Variants in HCN1 observed in about 807,000 individuals in gnomAD.
The protein encoded by HCN1 is potassium/sodium hyperpolarization-activated cyclic nucleotide-gated channel 1.
Under a neutral mutation model 78.9 loss-of-function variants are expected in HCN1, and 13 were observed. The observed-to-expected ratio is 0.16, with a 90% CI of 0.11 to 0.26. The LOEUF is 0.26. Ranked by LOEUF, HCN1 falls within the 10% of genes least tolerant of loss-of-function variation. HCN1 has a pLI of 1.00. For missense variants in HCN1, 810 were observed against 1,154.3 expected (o/e 0.70, Z 4.32); for synonymous variants, 552 against 455.5 (o/e 1.21, Z -2.70).
intron 2 of HCN1, among the ~76,000 whole-genome samples, chr5:45,641,289 G>A (rs1745450397): frequency 6.6e-6 from 1 of 152,138 alleles, no homozygotes; most frequent in Non-Finnish European, 1.5e-5. Flanking sequence ...ACTGTAATCT[G>A]CATTAGCTCC....
intron 3 of HCN1, among the ~76,000 whole-genome samples, chr5:45,411,418 T>C (rs1740018274): frequency 6.6e-6 from 1 of 151,906 alleles, no homozygotes; most frequent in Non-Finnish European, 1.5e-5. Flanking sequence ...CAGGCGTAAT[T>C]CCTATTTCTG....
At chr5:45,424,473 G>A (rs1370763857) in intron 3 of HCN1, among the ~76,000 whole-genome samples, 1 of 152,000 alleles carries the variant, frequency 6.6e-6, no homozygotes, top group African/African-American at 2.4e-5. Flanking sequence ...TTTTGAGTCA[G>A]GTTACATATG....
intron 1 of HCN1, chr5:45,695,088 TC>T (rs1166850942): frequency 6.5e-6 from 1 of 153,112 alleles, no homozygotes; most frequent in Non-Finnish European, 1.5e-5. Flanking sequence ...AAATTGCCCT[TC>T]TTTTGCCTGC....
intron 6 of HCN1, among the ~76,000 whole-genome samples, chr5:45,271,139 T>A (rs1336647085): frequency 6.6e-6 from 1 of 152,114 alleles, no homozygotes; most frequent in Non-Finnish European, 1.5e-5. Context: ...ACCCAAAGGT[T>A]TTCTATGTTG....
At chr5:45,500,387 T>A (rs1186431765) in intron 2 of HCN1, among the ~76,000 whole-genome samples, 4 of 152,178 alleles carry the variant, frequency 2.6e-5, no homozygotes, top group African/African-American at 9.7e-5. Context: ...AAGTTGAAAT[T>A]ACAAAATATG....
chr5:45,356,057 A>G (rs931107101), intron 4 of HCN1, among the ~76,000 whole-genome samples: 2 of 152,016 alleles, frequency 1.3e-5, no homozygotes, highest in African/African-American at 4.8e-5. Context: ...ATAACCAACT[A>G]TTCTTTGAAA....
At chr5:45,622,205 T>TA (rs35243375) in intron 2 of HCN1, among the ~76,000 whole-genome samples, 614 of 143,098 alleles carry the variant, frequency 4.3e-3, no homozygotes, top group African/African-American at 0.013. Flanking sequence ...GACTTCGTCT[T>TA]AAAAAAAAAA....
At chr5:45,461,794 G>T (rs1470143089) in intron 3 of HCN1, 52 bp downstream of exon 3, 3 of 1,461,816 alleles carry the variant, frequency 2.1e-6, no homozygotes, top group Non-Finnish European at 2.9e-6. Flanking sequence ...TACTTAAAAG[G>T]TTTTGGCACA....
At chr5:45,288,281 A>C (rs1295835251) in intron 6 of HCN1, among the ~76,000 whole-genome samples, 29 of 152,084 alleles carry the variant, frequency 1.9e-4, no homozygotes, top group Non-Finnish European at 5.9e-5. Flanking sequence ...TAAATTGCTA[A>C]GTGCTTGGCC....
At chr5:45,444,911 G>T (rs950366134) in intron 3 of HCN1, among the ~76,000 whole-genome samples, 1 of 152,100 alleles carries the variant, frequency 6.6e-6, no homozygotes, top group Non-Finnish European at 1.5e-5. Context: ...GAGCCAAGAT[G>T]GCCGAATAGG....
In HCN1 at chr5:45,419,657, C is replaced by T. The variant is rs150256521; in HGVS notation, c.1012-22947G>A. ...AGTTGGATTAGGCTAATGGAGAACC[C>T]TGAAAGAAGATCAGACAGAAGAAGG... is the stretch of plus-strand genomic sequence containing the variant. On this transcript the variant is annotated intron_variant, in intron 3 of 7. Coordinates refer to ENST00000303230, the MANE Select transcript of HCN1 (RefSeq NM_021072.4). Among the ~76,000 whole-genome samples the T allele has an allele frequency of 1.7e-3, 261 of 152,212 alleles. 1 individual carries two copies. Among genetic ancestry groups the T allele is most frequent in the African/African-American group, 6.1e-3 (252 of 41,534 alleles).
At chr5:45,398,739 T>C (rs904150672) in intron 3 of HCN1, among the ~76,000 whole-genome samples, 2 of 152,334 alleles carry the variant, frequency 1.3e-5, no homozygotes, top group East Asian at 3.9e-4. Context: ...GAAAGTTTAA[T>C]TTAAAAATTA....
intron 2 of HCN1, among the ~76,000 whole-genome samples, chr5:45,466,315 A>G (rs2111638196): frequency 6.6e-6 from 1 of 152,278 alleles, no homozygotes; most frequent in South Asian, 2.1e-4. Flanking sequence ...TCCTTAACCA[A>G]AAAACTATCA....
chr5:45,423,881 T>A (rs922822698), intron 3 of HCN1, among the ~76,000 whole-genome samples: 1 of 152,082 alleles, frequency 6.6e-6, no homozygotes, highest in African/African-American at 2.4e-5. Context: ...CTAAACCTCT[T>A]TGAGAGAAAG....
intron 1 of HCN1, among the ~76,000 whole-genome samples, chr5:45,678,147 A>G (rs893923974): frequency 6.6e-6 from 1 of 151,840 alleles, no homozygotes; most frequent in Non-Finnish European, 1.5e-5. Flanking sequence ...CTACAGTCCA[A>G]ATAAGTGATG....
At chr5:45,406,662 A>C (rs899131494) in intron 3 of HCN1, among the ~76,000 whole-genome samples, 2 of 152,184 alleles carry the variant, frequency 1.3e-5, no homozygotes, top group African/African-American at 4.8e-5. Context: ...ATATGAATAA[A>C]ATTCATGATA....
At chr5:45,276,344 G>A (rs1342334071) in intron 6 of HCN1, among the ~76,000 whole-genome samples, 1 of 152,062 alleles carries the variant, frequency 6.6e-6, no homozygotes, top group Non-Finnish European at 1.5e-5. Context: ...ACTTTAATAT[G>A]TATGGGAATC....
intron 2 of HCN1, among the ~76,000 whole-genome samples, chr5:45,543,620 C>A (rs1743148108): frequency 6.6e-6 from 1 of 152,044 alleles, no homozygotes; most frequent in East Asian, 1.9e-4. Context: ...AGATGTATGG[C>A]AATCAATTAA....
At chr5:45,317,018 C>T (rs1051352117) in intron 5 of HCN1, among the ~76,000 whole-genome samples, 3 of 152,022 alleles carry the variant, frequency 2.0e-5, no homozygotes, top group Non-Finnish European at 4.4e-5. Context: ...CAATGCCATC[C>T]CCATCAAGCT....
Sources: gnomAD v4.1 joint callset for allele counts (sites outside exome capture counted in the v4.1 genomes callset) on GRCh38, gnomAD v4.1.1 for gene constraint, MANE v1.5 for transcripts, NCBI Gene and HGNC (gene_info 2026-07-23, HGNC 2026-07-21) for gene names.